Variants in RALGDS observed in about 807,000 individuals in gnomAD.
The protein encoded by RALGDS is ral guanine nucleotide dissociation stimulator.
RALGDS carries 44 observed loss-of-function variants against 99.8 expected under a neutral mutation model. That is an observed-to-expected ratio of 0.44 (90% CI 0.35 to 0.57). The LOEUF is 0.57. RALGDS is among the 20% of genes least tolerant of loss of function. The pLI is 0.01. For missense variants in RALGDS, 1,022 were observed against 1,203.1 expected, an observed-to-expected ratio of 0.85 and a Z score of 2.23; for synonymous variants, 529 against 505.0, an observed-to-expected ratio of 1.05 and a Z score of -0.64.
upstream of RALGDS, among the ~76,000 whole-genome samples, chr9:133,125,044 G>A (rs143205051): frequency 6.6e-6 from 1 of 152,178 alleles, no homozygotes; most frequent in Non-Finnish European, 1.5e-5. Flanking sequence ...CATTTCAGAG[G>A]AAAAAGAAAG....
Position 133,108,396 on chromosome 9 carries a change from T to G in RALGDS, c.789A>C (p.Pro263=), listed in dbSNP as rs1401491941. The change falls in exon 6 of 18, where the codon CCA becomes CCC. Residue 263 remains proline (P), a synonymous_variant. Coordinates refer to ENST00000372050, the MANE Select transcript of RALGDS (RefSeq NM_006266.4). ...CTGGAGTTGGTTTTAGAGCTGGCACTGGTGACAGAGCTGCAAGAGGAGAAA... is the reference window on the plus strand; with the variant it reads ...CTGGAGTTGGTTTTAGAGCTGGCACGGGTGACAGAGCTGCAAGAGGAGAAA... ...PIEAEPEALS[P]VPALKPTPEL... is the part of the protein sequence containing the mutation. The G allele has an allele frequency of 4.6e-6, 7 of 1,536,470 alleles. No individual in the cohort carries two copies. The highest frequency in any genetic ancestry group is 1.4e-5 in the African/African-American group (1 of 73,018).
chr9:133,148,168 G>A (rs189891459), intron 1 of RALGDS, among the ~76,000 whole-genome samples: 3 of 152,206 alleles, frequency 2.0e-5, no homozygotes, highest in Admixed American at 2.0e-4. Context: ...ACACGTCTAC[G>A]AGCCTGTGGG....
intron 3 of RALGDS, among the ~76,000 whole-genome samples, 194 bp from the exon 4 acceptor site, chr9:133,109,915 G>A (rs112409170): frequency 0.012 from 1,843 of 152,184 alleles, 45 homozygotes; most frequent in African/African-American, 0.042. Context: ...CTATCTGAGC[G>A]CCCCTTGGGT....
At chr9:133,112,396 C>T (rs984559272) in intron 1 of RALGDS, among the ~76,000 whole-genome samples, 9 of 152,150 alleles carry the variant, frequency 5.9e-5, no homozygotes, top group Non-Finnish European at 1.2e-4. Context: ...CTTCCAATCC[C>T]CTAGTAACTG....
chr9:133,143,786 C>CAAT (rs144862270), intron 1 of RALGDS, among the ~76,000 whole-genome samples: 49 of 125,508 alleles, frequency 3.9e-4, no homozygotes, highest in Middle Eastern at 3.8e-3. Flanking sequence ...ACAACAACAA[C>CAAT]AATAATAATA....
chr9:133,117,902 T>C (rs997616759), intron 1 of RALGDS, among the ~76,000 whole-genome samples: 3 of 152,196 alleles, frequency 2.0e-5, no homozygotes, highest in African/African-American at 7.2e-5. Context: ...CCCACTCTTT[T>C]CTCATTGGCA....
Position 133,108,558 on chromosome 9 carries a change from T to C in RALGDS, c.778+115A>G, listed in dbSNP as rs1292535979. The C allele has an allele frequency of 2.8e-6, 4 of 1,448,150 alleles. No individual in the cohort carries two copies. The Admixed American group carries it at 7.6e-5, about 27-fold the overall frequency. 89.7% of individuals were successfully genotyped at this position (1,448,150 alleles called of 1,614,324 possible). The stretch of plus-strand genomic sequence containing the variant: ...CTGCCTGTGGTCCCTGCCTGTGTGG[T>C]CTGAGGCTCATCTGGGCCCCTGACC... On this transcript the variant is annotated intron_variant, in intron 5 of 17. Transcript: ENST00000372050.
At chr9:133,139,047 C>T (rs941552181) in intron 1 of RALGDS, among the ~76,000 whole-genome samples, 2 of 152,210 alleles carry the variant, frequency 1.3e-5, no homozygotes, top group Non-Finnish European at 2.9e-5. Context: ...CGCAGCCACA[C>T]ATACCCCTTC....
chr9:133,121,317 G>T, upstream of RALGDS: 1 of 686,254 alleles, frequency 1.5e-6, no homozygotes, highest in African/African-American at 2.0e-5. Flanking sequence ...GCCGGGGAGG[G>T]GCGGAACCGG....
chr9:133,101,865 G>A, intron 15 of RALGDS, 73 bp downstream of exon 15: 1 of 1,551,336 alleles, frequency 6.4e-7, no homozygotes, highest in South Asian at 1.2e-5. Flanking sequence ...AGGATCCAGG[G>A]CTTCCTGGCC....
intron 17 of RALGDS, chr9:133,099,571 C>T (rs1368214517): frequency 6.6e-6 from 1 of 152,578 alleles, no homozygotes; most frequent in East Asian, 1.9e-4. Flanking sequence ...TTTATATATA[C>T]ATGCATATAT....
intron 1 of RALGDS, among the ~76,000 whole-genome samples, chr9:133,137,860 C>CAG (rs35404952): frequency 0.33 from 49,611 of 152,088 alleles, 8,537 homozygotes; most frequent in East Asian, 0.56. Context: ...CTGCTGTGGG[C>CAG]AGAGACCCCT....
intron 1 of RALGDS, among the ~76,000 whole-genome samples, chr9:133,145,868 G>A (rs904258679): frequency 1.3e-5 from 2 of 152,220 alleles, no homozygotes; most frequent in Non-Finnish European, 2.9e-5. Flanking sequence ...CAGACTTAGA[G>A]ATGGAAGGAT....
At chr9:133,101,438 G>A in intron 16 of RALGDS, 82 bp downstream of exon 16, 1 of 1,601,430 alleles carries the variant, frequency 6.2e-7, no homozygotes, top group Non-Finnish European at 8.5e-7. Context: ...GTAGACCCCG[G>A]GAGGGCAGGG....
intron 1 of RALGDS, among the ~76,000 whole-genome samples, chr9:133,130,214 C>T (rs1832293631): frequency 6.6e-6 from 1 of 152,230 alleles, no homozygotes; most frequent in South Asian, 2.1e-4. Context: ...TCGTGATATG[C>T]CTGCCTCAGC....
rs145364080 is a variant in RALGDS at position 133,127,182 on chromosome 9, C to T, written c.132+3770G>A. Among the ~76,000 whole-genome samples, 537 of 152,388 alleles carry T rather than the reference C, an allele frequency of 3.5e-3. 8 individuals are homozygous for T. Among genetic ancestry groups the T allele is most frequent in the African/African-American group, 0.012 (515 of 41,594 alleles). On this transcript the variant is annotated intron_variant, in intron 1 of 17. Transcript: ENST00000372062. ...AAGCTGCCCCTGTGGACCTTCAAGT[C>T]GGGACCCAGGCCTGCCTTAACGCAG...
At chr9:133,119,542 T>C (rs2119207034) in intron 1 of RALGDS, among the ~76,000 whole-genome samples, 1 of 152,118 alleles carries the variant, frequency 6.6e-6, no homozygotes, top group South Asian at 2.1e-4. Context: ...TCTCCCTCAG[T>C]TCCTCAGGGA....
At position 133,144,632 on chromosome 9, in the gene RALGDS, T is replaced by G. The variant is rs577417347; in HGVS notation, c.18+4331A>C. On this transcript the variant is annotated intron_variant, in intron 1 of 17. Transcript: ENST00000393160. This position sits in a 1 kb window ranked among gnomAD's most constrained non-coding sequence, Gnocchi z 4.5. ...GTGCTGCCGCCAGAGCGCGCCAAGC[T>G]GAGGAGCAGGCGGGCTCCGCTCACG... Among the ~76,000 whole-genome samples the G allele has an allele frequency of 1.3e-5, 2 of 152,338 alleles. No individual in the cohort carries two copies. The highest frequency in any genetic ancestry group is 2.4e-5 in the African/African-American group (1 of 41,588).
rs973894766 is a variant in RALGDS at position 133,100,719 on chromosome 9, G to A, written c.2455-337C>T. The stretch of plus-strand genomic sequence containing the variant: ...GGATAACAGCATCACTGAGCCTGGG[G>A]AACAGACAGTCCCTAGTCCAAGCCC... On this transcript the variant is annotated intron_variant, in intron 16 of 17. Transcript: ENST00000372050. The A allele has an allele frequency of 1.6e-5, 20 of 1,216,720 alleles. No homozygotes were observed. In the East Asian group the frequency reaches 9.5e-4, roughly 58 times the overall value. The allele number at this position is 1,216,720 out of a possible 1,614,324, so 75.4% of individuals were successfully genotyped here.
Sources: allele counts gnomAD v4.1 joint callset (sites outside exome capture counted in the v4.1 genomes callset), GRCh38; gene constraint gnomAD v4.1.1; non-coding constraint Gnocchi (gnomAD v3.1); transcripts MANE v1.5; gene names NCBI Gene and HGNC (gene_info 2026-07-23, HGNC 2026-07-21).